Variants in MMP9 observed in about 807,000 individuals in gnomAD.
The protein encoded by MMP9 is matrix metallopeptidase 9.
In MMP9, 73 loss-of-function variants were observed where a neutral mutation model predicts 76.4. The observed-to-expected ratio is 0.96, with a 90% CI of 0.79 to 1.16. The LOEUF is 1.16. Among genes scored for constraint, MMP9 ranks in the 50% most tolerant of loss-of-function variants. The pLI is 0.00. For synonymous variants in MMP9, 412 were observed against 408.4 expected, an observed-to-expected ratio of 1.01 and a Z score of -0.11; for missense variants, 943 against 973.0, an observed-to-expected ratio of 0.97 and a Z score of 0.41.
At position 46,011,822 on chromosome 20, in the gene MMP9, T is replaced by G. The variant is rs550689672; in HGVS notation, c.997+75T>G. 3.1e-4 allele frequency: 472 copies of G among 1,514,326 alleles called. 1 individual carries two copies. Among genetic ancestry groups the G allele is most frequent in the Admixed American group, 8.4e-4 (43 of 51,432 alleles). The allele number at this position is 1,514,326 out of a possible 1,614,324, so 93.8% of individuals were successfully genotyped here. A position where few individuals can be genotyped will look rare whatever the true frequency, so the allele number is the denominator to read the frequency against. On this transcript the variant is annotated intron_variant, in intron 6 of 12. Transcript: ENST00000372330. Reference sequence around the variant, plus strand: ...TGGCCCCCAAAACGCGGCTCTTCCCTCCCATCAGTTTGTCTTTCCACTCTC... The same window carrying G: ...TGGCCCCCAAAACGCGGCTCTTCCCGCCCATCAGTTTGTCTTTCCACTCTC...
At chr20:46,016,202 T>C (rs375413237) in intron 12 of MMP9, 48 bp from the exon 13 acceptor site, 9 of 1,485,930 alleles carry the variant, frequency 6.1e-6, no homozygotes, top group Middle Eastern at 3.4e-4. Flanking sequence ...TTTCTGTATA[T>C]GTGGGAGAAT....
At position 46,011,136 on chromosome 20, in the gene MMP9, C is replaced by T. The variant is rs760872717; in HGVS notation, c.650-7C>T. The T allele has an allele frequency of 3.5e-5, 56 of 1,614,014 alleles. No homozygotes were observed. Among genetic ancestry groups the T allele is most frequent in the Non-Finnish European group, 4.6e-5 (54 of 1,180,052 alleles). On this transcript the variant is annotated splice_region_variant and splice_polypyrimidine_tract_variant and intron_variant, in intron 4 of 12. Transcript: ENST00000372330. Reference sequence around the variant, plus strand: ...CGCCCTAACTCCGGTCCCCCCTCCTCCTGCAGTGGTTCCAACTCGGTTTGG... The same window carrying T: ...CGCCCTAACTCCGGTCCCCCCTCCTTCTGCAGTGGTTCCAACTCGGTTTGG...
Position 46,013,631 on chromosome 20 carries a change from C to A in MMP9, c.1611-26C>A, listed in dbSNP as rs185167031. 1 of 1,614,008 alleles carries A rather than the reference C, an allele frequency of 6.2e-7. No individual in the cohort carries two copies. Among genetic ancestry groups the A allele is most frequent in the South Asian group, 1.1e-5 (1 of 91,040 alleles). On this transcript the variant is annotated intron_variant, in intron 9 of 12. Coordinates refer to ENST00000372330, the MANE Select transcript of MMP9 (RefSeq NM_004994.3). The surrounding 1 kb of genome is among the most constrained non-coding windows in gnomAD (Gnocchi z 4.5). ...GGCCCTGTGTCCAAGGCTTAGAGCC[C>A]GTCCTTTCCCTCCTCGCTTTCTCAG...
rs2084284265 is a variant in MMP9 at position 46,012,167 on chromosome 20, C to G, written c.1028C>G (p.Ala343Gly). Residue 343 changes from alanine (A) to glycine (G), a missense_variant, in exon 7 of 13, where the codon GCG becomes GGG. Physicochemically the swap from Ala to Gly is moderately conservative, Grantham distance 60. Transcript: ENST00000372330. ...ADSTVMGGNS[A>G]GELCVFPFTF... ...TCGACGGTGATGGGGGGCAACTCGG[C>G]GGGGGAGCTGTGCGTCTTCCCCTTC... is the stretch of plus-strand genomic sequence containing the variant. 5 of 1,614,078 alleles carry G rather than the reference C, an allele frequency of 3.1e-6. No individual in the cohort carries two copies. The highest frequency in any genetic ancestry group is 4.2e-6 in the Non-Finnish European group (5 of 1,180,030).
At chr20:46,010,132 C>CGGGGGGGGCTGGGGGGGGGGGG in intron 2 of MMP9, 34 bp downstream of exon 2, 1 of 850,764 alleles carries the variant, frequency 1.2e-6, no homozygotes, top group Non-Finnish European at 1.8e-6. Context: ...CGGGGTGGGG[C>CGGGGGGGGCTGGGGGGGGGGGG]GGGGAGGCCA....
chr20:46,011,736 G>A lies in MMP9; in HGVS notation c.986G>A (p.Cys329Tyr). ...GACCGGGACAAGCTCTTCGGCTTCT[G>A]CCCGACCCGAGGTACCTCCACCCTG... ...NYDRDKLFGF[C>Y]PTRADSTVMG... The change falls in exon 6 of 13, where the codon TGC becomes TAC. Residue 329 changes from cysteine (C) to tyrosine (Y), a missense_variant. By Grantham distance (194) the Cys-to-Tyr change is radical. Transcript: ENST00000372330. The A allele has an allele frequency of 6.2e-7, 1 of 1,611,976 alleles. No individual in the cohort carries two copies. The highest frequency in any genetic ancestry group is 8.5e-7 in the Non-Finnish European group (1 of 1,179,864).
At position 46,016,516 on chromosome 20, in the gene MMP9, T is replaced by G. The variant is rs2084323702; in HGVS notation, c.*148T>G. ...GCTGGGCCCTCTCTTCTCACCTTTG[T>G]TTTTTGTTGGAGTGTTTCTAATAAA... On this transcript the variant is annotated 3_prime_UTR_variant, in exon 13 of 13. Coordinates refer to ENST00000372330, the MANE Select transcript of MMP9 (RefSeq NM_004994.3). 1.4e-6 allele frequency: 1 copy of G among 709,590 alleles called. No individual in the cohort carries two copies. Among genetic ancestry groups the G allele is most frequent in the Non-Finnish European group, 2.6e-6 (1 of 391,784 alleles). 44.0% of individuals were successfully genotyped at this position (709,590 alleles called of 1,614,324 possible).
Position 46,011,605 on chromosome 20 carries a change from G to A in MMP9, c.855G>A (p.Gly285=), listed in dbSNP as rs200143190. 34 of 1,611,382 alleles carry A rather than the reference G, an allele frequency of 2.1e-5. No individual in the cohort carries two copies. The highest frequency in any genetic ancestry group is 2.4e-5 in the Non-Finnish European group (28 of 1,179,138). Residue 285 remains glycine, a synonymous_variant, in exon 6 of 13, where the codon GGG becomes GGA. Coordinates refer to ENST00000372330, the MANE Select transcript of MMP9 (RefSeq NM_004994.3). The part of the protein sequence containing the change: ...RLYTQDGNAD[G]KPCQFPFIFQ... Reference sequence around the variant, plus strand: ...ACACCCAGGACGGCAATGCTGATGGGAAACCCTGCCAGTTTCCATTCATCT... The same window carrying A: ...ACACCCAGGACGGCAATGCTGATGGAAAACCCTGCCAGTTTCCATTCATCT...
intron 8 of MMP9, among the ~76,000 whole-genome samples, chr20:46,012,791 T>TCTCTG (rs1328263871): frequency 3.9e-5 from 6 of 152,132 alleles, no homozygotes; most frequent in African/African-American, 1.4e-4. Flanking sequence ...GAGATAGGTG[T>TCTCTG]GACTTCAAAA....
Position 46,012,180 on chromosome 20 carries a change from C to T in MMP9, c.1041C>T (p.Cys347=), listed in dbSNP as rs770663427. The change falls in exon 7 of 13, where the codon TGC becomes TGT. Residue 347 remains cysteine (C), a synonymous_variant. Coordinates refer to ENST00000372330, the MANE Select transcript of MMP9 (RefSeq NM_004994.3). ...GGGGCAACTCGGCGGGGGAGCTGTGCGTCTTCCCCTTCACTTTCCTGGGTA... is the reference window on the plus strand; with the variant it reads ...GGGGCAACTCGGCGGGGGAGCTGTGTGTCTTCCCCTTCACTTTCCTGGGTA... ...VMGGNSAGEL[C]VFPFTFLGKE... is the part of the protein sequence containing the mutation. The T allele has an allele frequency of 8.7e-6, 14 of 1,614,078 alleles. 2 individuals are homozygous for T. In the South Asian group the frequency reaches 1.5e-4, roughly 18 times the overall value.
intron 8 of MMP9, 86 bp downstream of exon 8, chr20:46,012,668 G>GT: frequency 6.6e-7 from 1 of 1,505,672 alleles, no homozygotes; most frequent in Non-Finnish European, 9.0e-7. Flanking sequence ...GGGATCGGGG[G>GT]AGGAACGGGG....
At chr20:46,010,208 A>T (rs2084267190) in intron 2 of MMP9, 110 bp downstream of exon 2, 5 of 1,048,580 alleles carry the variant, frequency 4.8e-6, no homozygotes, top group Non-Finnish European at 6.9e-6. Context: ...TTCACTATTT[A>T]ATGTGTGGCC....
At chr20:46,010,351 A>G in intron 2 of MMP9, 132 bp from the exon 3 acceptor site, 1 of 1,042,880 alleles carries the variant, frequency 9.6e-7, no homozygotes, top group Non-Finnish European at 1.4e-6. Context: ...ACAGTCTGGA[A>G]GCAATTTATA....
chr20:46,012,647 A>C, intron 8 of MMP9, 65 bp downstream of exon 8: 16 of 792,184 alleles, frequency 2.0e-5, no homozygotes, highest in East Asian at 1.2e-4. Context: ...GTACCAAAGA[A>C]TTGGGGGTTG....
intron 12 of MMP9, among the ~76,000 whole-genome samples, chr20:46,015,026 C>T (rs2084310131): frequency 6.6e-6 from 1 of 152,196 alleles, no homozygotes; most frequent in Non-Finnish European, 1.5e-5. Flanking sequence ...AACACCCCAG[C>T]CCAAACCATA....
chr20:46,010,325 A>AAAAAAAAAAAAAAC (rs1568846588), intron 2 of MMP9, among the ~76,000 whole-genome samples, 158 bp from the exon 3 acceptor site: 2 of 126,852 alleles, frequency 1.6e-5, no homozygotes, highest in Non-Finnish European at 3.4e-5. Flanking sequence ...AGTAGACAAA[A>AAAAAAAAAAAAAAC]AAAAAAAAAA....
chr20:46,010,765 C>G, intron 3 of MMP9, 134 bp downstream of exon 3: 1 of 1,546,926 alleles, frequency 6.5e-7, no homozygotes, highest in Admixed American at 1.9e-5. Context: ...TACGGCCCCT[C>G]CTGCCAGACA....
rs777201664 is a variant in MMP9, at chr20:46,009,008, C to T, written c.82C>T (p.Leu28Phe). The T allele has an allele frequency of 2.5e-6, 4 of 1,613,888 alleles. No individual in the cohort carries two copies. The Admixed American group carries it at 5.0e-5, about 20-fold the overall frequency. The change falls in exon 1 of 13, where the codon CTT (leucine) becomes TTT (phenylalanine). Residue 28 changes from leucine (L) to phenylalanine (F), a missense_variant. Transcript: ENST00000372330. ...TGCCCCCAGACAGCGCCAGTCCACC[C>T]TTGTGCTCTTCCCTGGAGACCTGAG... is the stretch of plus-strand genomic sequence containing the variant. The part of the protein sequence containing the change: ...FAAPRQRQST[L>F]VLFPGDLRTN...
chr20:46,013,582 G>A lies in MMP9; in HGVS notation c.1610+48G>A. 1.9e-6 allele frequency: 3 copies of A among 1,611,098 alleles called. No individual in the cohort carries two copies. Among genetic ancestry groups the A allele is most frequent in the Non-Finnish European group, 2.5e-6 (3 of 1,178,068 alleles). ...ATGCGGGAGGGGGCTTTGCGGAGGGGCTGCCCGTCCCTTCCCGCCCACTGG... is the reference window on the plus strand; with the variant it reads ...ATGCGGGAGGGGGCTTTGCGGAGGGACTGCCCGTCCCTTCCCGCCCACTGG... On this transcript the variant is annotated intron_variant, in intron 9 of 12. Coordinates refer to ENST00000372330, the MANE Select transcript of MMP9 (RefSeq NM_004994.3). The surrounding 1 kb of genome is among the most constrained non-coding windows in gnomAD (Gnocchi z 4.5).
Sources: gnomAD v4.1 joint callset for allele counts (sites outside exome capture counted in the v4.1 genomes callset) on GRCh38, gnomAD v4.1.1 for gene constraint, Gnocchi (gnomAD v3.1) non-coding constraint, MANE v1.5 for transcripts, NCBI Gene and HGNC (gene_info 2026-07-23, HGNC 2026-07-21) for gene names.